CSMD1: variants seen among roughly 807,000 people sequenced by gnomAD.
CSMD1 encodes CUB and sushi domain-containing protein 1.
CSMD1 carries 213 observed loss-of-function variants against 417.5 expected under a neutral mutation model. The ratio of observed to expected loss-of-function variants is 0.51; its 90% CI spans 0.46 to 0.57. The LOEUF (loss-of-function observed/expected upper bound fraction) is 0.57. CSMD1 is among the 20% of genes least tolerant of loss of function. The pLI is 0.00. For missense variants in CSMD1, 6,923 were observed against 4,529.7 expected (o/e 1.53, Z -15.17); for synonymous variants, 2,862 against 1,736.8 (o/e 1.65, Z -16.11).
At chr8:4,256,956 A>G (rs970714235) in intron 3 of CSMD1, among the ~76,000 whole-genome samples, 1 of 152,206 alleles carries the variant, frequency 6.6e-6, no homozygotes, top group East Asian at 1.9e-4. Flanking sequence ...GCTGACCTCT[A>G]ATCACAGGCT....
Position 3,411,915 on chromosome 8 carries a change from T to C in CSMD1, c.1562-2310A>G, listed in dbSNP as rs1375921363. 1.8e-3 allele frequency among the ~76,000 whole-genome samples: 201 copies of C among 114,522 alleles called. 5 individuals are homozygous for C. Among genetic ancestry groups the C allele is most frequent in the Middle Eastern group, 5.0e-3 (1 of 202 alleles). 75.1% of individuals were successfully genotyped at this position (114,522 alleles called of 152,430 possible). A position where few individuals can be genotyped will look rare whatever the true frequency, so the allele number is the denominator to read the frequency against. ...ATATGCACGTATATATACACGTATA[T>C]ATGCACGTATATATACACGTATATA... On this transcript the variant is annotated intron_variant, in intron 12 of 69. Transcript: ENST00000635120.
At chr8:4,524,186 C>T (rs1171818944) in intron 2 of CSMD1, among the ~76,000 whole-genome samples, 1 of 150,624 alleles carries the variant, frequency 6.6e-6, no homozygotes, top group East Asian at 1.9e-4. Flanking sequence ...GTGGGGGAAG[C>T]TAGGGGGAAA....
chr8:4,052,882 G>C (rs1374651937), intron 3 of CSMD1, among the ~76,000 whole-genome samples: 1 of 152,134 alleles, frequency 6.6e-6, no homozygotes, highest in Admixed American at 6.6e-5. Flanking sequence ...CAATGCAGTA[G>C]TCCATAGACC....
chr8:3,453,796 G>T (rs925584457), intron 12 of CSMD1, among the ~76,000 whole-genome samples: 3 of 151,724 alleles, frequency 2.0e-5, no homozygotes, highest in African/African-American at 7.2e-5. Context: ...CTATTGATTT[G>T]GGGGGGATAG....
intron 6 of CSMD1, among the ~76,000 whole-genome samples, chr8:3,718,124 A>T (rs1351653426): frequency 6.6e-6 from 1 of 152,206 alleles, no homozygotes; most frequent in African/African-American, 2.4e-5. Flanking sequence ...GCGCTATTGG[A>T]TCATTCTTTG....
At chr8:3,624,582 T>A (rs559072300) in intron 7 of CSMD1, among the ~76,000 whole-genome samples, 45 of 152,310 alleles carry the variant, frequency 3.0e-4, no homozygotes, top group South Asian at 1.7e-3. Flanking sequence ...ATTTAAGCCT[T>A]CAGAGAGGTG....
chr8:3,440,627 T>G (rs911331306), intron 12 of CSMD1, among the ~76,000 whole-genome samples: 1 of 152,182 alleles, frequency 6.6e-6, no homozygotes, highest in African/African-American at 2.4e-5. Context: ...TTGCAATCTG[T>G]ATGCCCTGTT....
At chr8:3,522,056 T>C (rs1585297991) in intron 10 of CSMD1, among the ~76,000 whole-genome samples, 2 of 152,366 alleles carry the variant, frequency 1.3e-5, no homozygotes, top group African/African-American at 4.8e-5. Flanking sequence ...TGAATAATTT[T>C]TCTCCTTATA....
chr8:3,075,081 C>T (rs1016872163), intron 49 of CSMD1, among the ~76,000 whole-genome samples: 2 of 152,078 alleles, frequency 1.3e-5, no homozygotes, highest in Admixed American at 1.3e-4. Flanking sequence ...CTCTCACTCT[C>T]TCTTGCTCCT....
At chr8:4,943,653 T>G (rs1226125154) in intron 1 of CSMD1, among the ~76,000 whole-genome samples, 11 of 152,204 alleles carry the variant, frequency 7.2e-5, no homozygotes, top group Non-Finnish European at 1.6e-4. Flanking sequence ...GTTGTCCAAG[T>G]TATCCTATCT....
At chr8:3,456,126 T>C (rs1370515622) in intron 12 of CSMD1, among the ~76,000 whole-genome samples, 1 of 152,158 alleles carries the variant, frequency 6.6e-6, no homozygotes. Context: ...CAGGATATAA[T>C]CTCCTGGTGT....
intron 1 of CSMD1, among the ~76,000 whole-genome samples, chr8:4,776,497 C>G (rs974606093): frequency 6.6e-6 from 1 of 152,096 alleles, no homozygotes; most frequent in South Asian, 2.1e-4. Context: ...GGTTAGGAAC[C>G]AACAGCGTCT....
chr8:3,264,516 C>T (rs1801295582), intron 26 of CSMD1, among the ~76,000 whole-genome samples: 1 of 152,172 alleles, frequency 6.6e-6, no homozygotes, highest in Admixed American at 6.5e-5. Flanking sequence ...TTGAGAACTG[C>T]ACACTGAATC....
At chr8:4,326,196 A>G (rs979131773) in intron 3 of CSMD1, among the ~76,000 whole-genome samples, 3 of 152,144 alleles carry the variant, frequency 2.0e-5, no homozygotes, top group Non-Finnish European at 2.9e-5. Context: ...TGGGGATGCC[A>G]ATGCTGCCGA....
intron 63 of CSMD1, among the ~76,000 whole-genome samples, chr8:2,955,969 G>A (rs1244706648): frequency 6.6e-6 from 1 of 151,936 alleles, no homozygotes; most frequent in Non-Finnish European, 1.5e-5. Context: ...TAGAACTCCT[G>A]ACCTCAAGCT....
At chr8:4,367,338 T>C (rs1342205690) in intron 3 of CSMD1, among the ~76,000 whole-genome samples, 2 of 152,194 alleles carry the variant, frequency 1.3e-5, no homozygotes, top group African/African-American at 2.4e-5. Context: ...TTGTCTGATA[T>C]TGTCAACTTT....
At chr8:4,914,820 G>T (rs999495086) in intron 1 of CSMD1, among the ~76,000 whole-genome samples, 9 of 152,162 alleles carry the variant, frequency 5.9e-5, no homozygotes, top group Admixed American at 5.9e-4. Context: ...TGTGGCAGAG[G>T]CCTGTGGACA....
chr8:3,734,653 G>A (rs1258801885), intron 6 of CSMD1, among the ~76,000 whole-genome samples: 1 of 152,234 alleles, frequency 6.6e-6, no homozygotes, highest in Non-Finnish European at 1.5e-5. Flanking sequence ...GGAGGTCGCA[G>A]TGAGCCAAAA....
rs569295857 is a variant in CSMD1 at position 3,656,919 on chromosome 8, T to C, written c.1010-40122A>G. Among the ~76,000 whole-genome samples, 1,132 of 121,228 alleles carry C rather than the reference T, an allele frequency of 9.3e-3. 16 individuals carry two copies. The highest frequency in any genetic ancestry group is 0.038 in the African/African-American group (1,078 of 28,026). The allele number at this position is 121,228 out of a possible 152,430, so 79.5% of individuals were successfully genotyped here. On this transcript the variant is annotated intron_variant, in intron 7 of 69. Transcript: ENST00000635120. The stretch of plus-strand genomic sequence containing the variant: ...CAGCCTGGGCAACAGAGCAAGACTC[T>C]GTCTAAAAAAAAAAAAAGCCTTTAA...
Sources: allele counts gnomAD v4.1 joint callset (sites outside exome capture counted in the v4.1 genomes callset), GRCh38; gene constraint gnomAD v4.1.1; transcripts MANE v1.5; gene names NCBI Gene and HGNC (gene_info 2026-07-23, HGNC 2026-07-21).